Variants in RBFOX1 observed in about 807,000 individuals in gnomAD.
RBFOX1 encodes RNA binding fox-1 homolog 1, also known as RNA binding protein fox-1 homolog 1.
RBFOX1 carries 8 observed loss-of-function variants against 57.7 expected under a neutral mutation model. The ratio of observed to expected loss-of-function variants is 0.14; its 90% confidence interval spans 0.08 to 0.25. RBFOX1 has a LOEUF of 0.25. Ranked by LOEUF, RBFOX1 falls within the 10% of genes least tolerant of loss-of-function variation. The probability of loss-of-function intolerance (pLI) is 1.00; values close to 1 mark genes in which losing one functional copy is unlikely to be tolerated. For missense variants in RBFOX1, 611 were observed against 548.5 expected, an observed-to-expected ratio of 1.11 and a Z score of -1.14; for synonymous variants, 326 against 222.4, an observed-to-expected ratio of 1.47 and a Z score of -4.15.
intron 2 of RBFOX1, among the ~76,000 whole-genome samples, chr16:6,583,443 G>C (rs2097565127): frequency 6.6e-6 from 1 of 152,216 alleles, no homozygotes; most frequent in East Asian, 1.9e-4. Context: ...AGTTTTGGGG[G>C]AGCATCTCAC....
At chr16:5,309,352 G>A (rs12930190) in intron 1 of RBFOX1, among the ~76,000 whole-genome samples, 15,347 of 152,078 alleles carry the variant, frequency 0.1, 810 homozygotes, top group Middle Eastern at 0.15. Context: ...AGTTCTCATA[G>A]ATGAAGTAGC....
chr16:6,627,922 C>A (rs1230721137), intron 2 of RBFOX1, among the ~76,000 whole-genome samples: 3 of 152,210 alleles, frequency 2.0e-5, no homozygotes, highest in Non-Finnish European at 4.4e-5. Flanking sequence ...CCTAAAGGGG[C>A]CATCCTCAAC....
intron 5 of RBFOX1, among the ~76,000 whole-genome samples, chr16:7,572,108 CAG>C (rs1328411983): frequency 6.6e-6 from 1 of 152,148 alleles, no homozygotes; most frequent in Non-Finnish European, 1.5e-5. Context: ...GCCTGGGTGA[CAG>C]AGTGAGACTC....
chr16:5,709,489 C>T (rs892576680), intron 3 of RBFOX1, among the ~76,000 whole-genome samples: 1 of 151,776 alleles, frequency 6.6e-6, no homozygotes, highest in African/African-American at 2.4e-5. Flanking sequence ...CCAAAGTATC[C>T]TAGGGTAAGT....
chr16:6,354,830 A>G (rs189690683), intron 2 of RBFOX1, among the ~76,000 whole-genome samples: 1 of 152,312 alleles, frequency 6.6e-6, no homozygotes, highest in East Asian at 1.9e-4. Flanking sequence ...CTCATTAACT[A>G]CTGAAGGAAT....
chr16:7,108,076 C>T (rs2063935320), intron 4 of RBFOX1, among the ~76,000 whole-genome samples: 1 of 152,104 alleles, frequency 6.6e-6, no homozygotes, highest in Non-Finnish European at 1.5e-5. Context: ...GCTGCTTCAT[C>T]GTTCTGATCC....
At chr16:5,502,136 C>A (rs147218727) in intron 2 of RBFOX1, among the ~76,000 whole-genome samples, 125 of 152,124 alleles carry the variant, frequency 8.2e-4, no homozygotes, top group African/African-American at 2.9e-3. Flanking sequence ...GTAGGGTTAG[C>A]TAAACTAGGG....
At chr16:5,332,341 C>T (rs1421653099) in intron 1 of RBFOX1, among the ~76,000 whole-genome samples, 1 of 152,064 alleles carries the variant, frequency 6.6e-6, no homozygotes, top group African/African-American at 2.4e-5. Flanking sequence ...GATCTCGACT[C>T]ATTGCAACCT....
chr16:6,988,562 T>C (rs560678669), intron 3 of RBFOX1, among the ~76,000 whole-genome samples: 1 of 113,908 alleles, frequency 8.8e-6, no homozygotes, highest in Non-Finnish European at 2.1e-5. Flanking sequence ...AATTTAACTT[T>C]ATTTAATTTT....
chr16:7,002,604 C>T (rs564655779), intron 3 of RBFOX1, among the ~76,000 whole-genome samples: 8 of 152,092 alleles, frequency 5.3e-5, no homozygotes, highest in South Asian at 4.2e-4. Context: ...CCCAGCCACT[C>T]GGGAGGCTGA....
At chr16:5,658,663 G>A (rs2049535653) in intron 3 of RBFOX1, among the ~76,000 whole-genome samples, 1 of 151,462 alleles carries the variant, frequency 6.6e-6, no homozygotes, top group Non-Finnish European at 1.5e-5. Context: ...ATTTCATCCA[G>A]GTTGCTGTGA....
chr16:7,634,340 T>C (rs1333953262), intron 11 of RBFOX1, among the ~76,000 whole-genome samples: 1 of 152,152 alleles, frequency 6.6e-6, no homozygotes, highest in African/African-American at 2.4e-5. Flanking sequence ...CGTTTTTGTT[T>C]TTTTGCGTTT....
intron 1 of RBFOX1, among the ~76,000 whole-genome samples, chr16:6,269,600 G>C (rs542639022): frequency 1.3e-5 from 2 of 152,296 alleles, no homozygotes; most frequent in South Asian, 2.1e-4. Context: ...AGTGCTGAAA[G>C]AAAATACTTG....
At chr16:6,669,439 G>A (rs1205382740) in intron 3 of RBFOX1, among the ~76,000 whole-genome samples, 2 of 152,124 alleles carry the variant, frequency 1.3e-5, no homozygotes, top group Admixed American at 6.5e-5. Context: ...ACAGCTATCA[G>A]AATTTGCAGA....
chr16:6,657,618 T>G (rs937577723), intron 3 of RBFOX1, among the ~76,000 whole-genome samples: 1 of 152,084 alleles, frequency 6.6e-6, no homozygotes, highest in African/African-American at 2.4e-5. Flanking sequence ...CACGCACGTG[T>G]GTGTGTGCAT....
Position 6,976,678 on chromosome 16 carries a change from T to C in RBFOX1, c.-15-75379T>C, listed in dbSNP as rs1310947573. On this transcript the variant is annotated intron_variant, in intron 3 of 15. Coordinates refer to ENST00000550418, the MANE Select transcript of RBFOX1 (RefSeq NM_018723.4). ...ATATATATATGATATATATATCATA[T>C]ATATCATACCTATAGCATACATATC... 2.0e-5 allele frequency among the ~76,000 whole-genome samples: 3 copies of C among 149,364 alleles called. 1 individual carries two copies. Among genetic ancestry groups the C allele is most frequent in the African/African-American group, 7.3e-5 (3 of 40,858 alleles).
intron 3 of RBFOX1, among the ~76,000 whole-genome samples, chr16:6,885,197 A>G (rs1019767044): frequency 2.5e-4 from 38 of 152,292 alleles, no homozygotes; most frequent in Middle Eastern, 6.8e-3. Flanking sequence ...TGACTGAGCC[A>G]TCACTTCAGA....
intron 4 of RBFOX1, among the ~76,000 whole-genome samples, chr16:7,311,578 C>A (rs1297071404): frequency 6.8e-6 from 1 of 147,952 alleles, no homozygotes; most frequent in African/African-American, 2.5e-5. Flanking sequence ...CCGGTTTTTC[C>A]CTTCCATAGA....
intron 3 of RBFOX1, among the ~76,000 whole-genome samples, chr16:7,024,809 T>C (rs2040403221): frequency 6.6e-6 from 1 of 152,218 alleles, no homozygotes; most frequent in African/African-American, 2.4e-5. Context: ...CTGGACCCTG[T>C]TGGATGTTAA....
Sources: gnomAD v4.1 joint callset for allele counts (sites outside exome capture counted in the v4.1 genomes callset) on GRCh38, gnomAD v4.1.1 for gene constraint, MANE v1.5 for transcripts, NCBI Gene and HGNC (gene_info 2026-07-23, HGNC 2026-07-21) for gene names.